The following PRSS23 variants were observed in gnomAD, a reference collection of about 807,000 sequenced individuals.
The protein encoded by PRSS23 is protease, serine 23.
Under a neutral mutation model 34.7 loss-of-function variants are expected in PRSS23, and 25 were observed. The ratio of observed to expected loss-of-function variants is 0.72; its 90% CI spans 0.53 to 1.01. PRSS23 has a LOEUF of 1.01. Ranked by LOEUF, PRSS23 falls within the 50% of genes least tolerant of loss-of-function variation. PRSS23 has a pLI of 0.00. For synonymous variants in PRSS23, 176 were observed against 186.6 expected (o/e 0.94, Z 0.46); for missense variants, 445 against 475.6 (o/e 0.94, Z 0.60).
chr11:86,905,994 A>ATT (rs1948939098), intron 2 of PRSS23, among the ~76,000 whole-genome samples: 1 of 152,020 alleles, frequency 6.6e-6, no homozygotes, highest in Non-Finnish European at 1.5e-5. Context: ...ACATTCATTC[A>ATT]CTCATTCACT....
intron 2 of PRSS23, among the ~76,000 whole-genome samples, chr11:86,890,240 A>T (rs1283524714): frequency 6.6e-6 from 1 of 152,060 alleles, no homozygotes; most frequent in Admixed American, 6.5e-5. Flanking sequence ...ACTGCACTCC[A>T]GCCTGGACAA....
At chr11:86,858,195 A>C (rs1948586366) in intron 2 of PRSS23, among the ~76,000 whole-genome samples, 1 of 152,026 alleles carries the variant, frequency 6.6e-6, no homozygotes, top group African/African-American at 2.4e-5. Context: ...GGGGTTGTAC[A>C]CCTTCCTGTG....
intron 1 of PRSS23, among the ~76,000 whole-genome samples, chr11:86,816,396 C>T (rs1948215494): frequency 6.6e-6 from 1 of 152,172 alleles, no homozygotes; most frequent in African/African-American, 2.4e-5. Context: ...AGTGATGAGG[C>T]TCAGTAACTA....
chr11:86,875,587 G>A (rs1948717899), intron 2 of PRSS23, among the ~76,000 whole-genome samples: 1 of 152,112 alleles, frequency 6.6e-6, no homozygotes, highest in African/African-American at 2.4e-5. Context: ...CATCCTTGGG[G>A]GTACCAACAA....
chr11:86,853,773 AAT>A, intron 2 of PRSS23, among the ~76,000 whole-genome samples: 1 of 152,188 alleles, frequency 6.6e-6, no homozygotes, highest in African/African-American at 2.4e-5. Context: ...ATCATCTGAT[AAT>A]TCTGTTTTTC....
chr11:86,928,173 TAA>T (rs1344309297), intron 2 of PRSS23, among the ~76,000 whole-genome samples: 1 of 148,244 alleles, frequency 6.7e-6, no homozygotes, highest in African/African-American at 2.5e-5. Context: ...ATGTATATGT[TAA>T]TATATATTAA....
At chr11:86,926,088 T>G (rs1176736053) in intron 2 of PRSS23, among the ~76,000 whole-genome samples, 1 of 152,184 alleles carries the variant, frequency 6.6e-6, no homozygotes, top group African/African-American at 2.4e-5. Flanking sequence ...CAAGGCCGGA[T>G]GCAGTGGCTC....
In PRSS23 at chr11:86,807,682, T is replaced by A; in HGVS notation, c.39T>A (p.Phe13Leu). The A allele has an allele frequency of 6.2e-7, 1 of 1,613,744 alleles. No individual in the cohort carries two copies. The highest frequency in any genetic ancestry group is 8.5e-7 in the Non-Finnish European group (1 of 1,179,802). The change falls in exon 2 of 2, where the codon TTT (phenylalanine) becomes TTA (leucine). Residue 13 changes from phenylalanine to leucine, a missense_variant. By Grantham distance (22) the Phe-to-Leu change is conservative. Coordinates refer to ENST00000280258, the MANE Select transcript of PRSS23 (RefSeq NM_007173.6). ...CAGGGCTCCTCTTCCTTCTCTTCTT[T>A]CTGCTCTGTGCTGTTGGGCAAGTGA... ...GIPGLLFLLF[F>L]LLCAVGQVSP...
chr11:86,878,687 C>G (rs558200918), intron 2 of PRSS23, among the ~76,000 whole-genome samples: 1 of 151,988 alleles, frequency 6.6e-6, no homozygotes, highest in Non-Finnish European at 1.5e-5. Flanking sequence ...GCTGCCACCC[C>G]GTCTGGGAAG....
intron 2 of PRSS23, among the ~76,000 whole-genome samples, chr11:86,863,343 G>T (rs1262727826): frequency 6.6e-6 from 1 of 152,082 alleles, no homozygotes; most frequent in Non-Finnish European, 1.5e-5. Context: ...ATAAACTTTT[G>T]CTTGCTAGAT....
intron 2 of PRSS23, among the ~76,000 whole-genome samples, chr11:86,824,375 A>AAAATAAAATAAAATAAAATAAAATAAAAT (rs1303621206): frequency 7.7e-6 from 1 of 130,412 alleles, no homozygotes; most frequent in Non-Finnish European, 1.7e-5. Context: ...TAAAATAAAT[A>AAAATAAAATAAAATAAAATAAAATAAAAT]AAATAAAAAA....
At position 86,808,082 on chromosome 11, in the gene PRSS23, A is replaced by G; in HGVS notation, c.439A>G (p.Asn147Asp). ...FSIFGKDFLL[N>D]YPFSTSVKLS... ...CATTTTTGGGAAGGACTTCCTGCTC[A>G]ACTACCCTTTCTCAACATCAGTGAA... Residue 147 changes from asparagine (N) to aspartate (D), a missense_variant, in exon 2 of 2, where the codon AAC (asparagine) becomes GAC (aspartate). By Grantham distance (23) the Asn-to-Asp change is conservative. Transcript: ENST00000280258. The G allele has an allele frequency of 6.2e-7, 1 of 1,614,142 alleles. No individual in the cohort carries two copies. Among genetic ancestry groups the G allele is most frequent in the Non-Finnish European group, 8.5e-7 (1 of 1,180,016 alleles).
chr11:86,899,393 C>T (rs1948896626), intron 2 of PRSS23, among the ~76,000 whole-genome samples: 1 of 152,128 alleles, frequency 6.6e-6, no homozygotes, highest in African/African-American at 2.4e-5. Context: ...GCAGCTCGCA[C>T]CTGTAGTCCC....
At chr11:86,916,458 G>A (rs1949013347) in intron 2 of PRSS23, among the ~76,000 whole-genome samples, 1 of 152,148 alleles carries the variant, frequency 6.6e-6, no homozygotes, top group African/African-American at 2.4e-5. Flanking sequence ...CAAATCTGTG[G>A]ACCTAGAGGA....
intron 2 of PRSS23, among the ~76,000 whole-genome samples, chr11:86,945,349 A>G (rs554436282): frequency 2.3e-4 from 33 of 144,692 alleles, no homozygotes; most frequent in African/African-American, 8.1e-4. Context: ...AGACAGCCAT[A>G]TGCACTGAAA....
At chr11:86,943,572 C>T (rs970749112) in intron 2 of PRSS23, among the ~76,000 whole-genome samples, 2 of 151,458 alleles carry the variant, frequency 1.3e-5, no homozygotes, top group Admixed American at 6.6e-5. Context: ...TGCAGTGAGC[C>T]GAGATCAAGT....
At chr11:86,830,536 G>C (rs1168865277) in intron 2 of PRSS23, among the ~76,000 whole-genome samples, 2 of 152,172 alleles carry the variant, frequency 1.3e-5, no homozygotes, top group Admixed American at 1.3e-4. Flanking sequence ...CTAGTGAGGT[G>C]AACCTGGTAC....
intron 2 of PRSS23, among the ~76,000 whole-genome samples, chr11:86,904,933 G>A (rs1169878039): frequency 1.3e-5 from 2 of 152,026 alleles, no homozygotes; most frequent in Non-Finnish European, 2.9e-5. Context: ...GTGCATGCCT[G>A]TAGTCCCAGC....
chr11:86,932,622 G>A (rs1014922917), intron 2 of PRSS23: 20 of 149,188 alleles, frequency 1.3e-4, no homozygotes, highest in Admixed American at 4.0e-4. Context: ...TTTTTTTAGT[G>A]TTAATACATC....
Sources: gnomAD v4.1 joint callset for allele counts (sites outside exome capture counted in the v4.1 genomes callset) on GRCh38, gnomAD v4.1.1 for gene constraint, MANE v1.5 for transcripts, NCBI Gene and HGNC (gene_info 2026-07-23, HGNC 2026-07-21) for gene names.